EML6: variants seen among roughly 807,000 people sequenced by gnomAD.
EML6 encodes the protein EMAP like 6.
In EML6, 154 loss-of-function variants were observed where a neutral mutation model predicts 240.1. The observed-to-expected ratio is 0.64, with a 90% CI of 0.56 to 0.73. The LOEUF (loss-of-function observed/expected upper bound fraction) is 0.73, where lower values mean the gene tolerates loss of function less well. EML6 is among the 30% of genes least tolerant of loss of function. The pLI, the probability that EML6 is intolerant of heterozygous loss-of-function variation, is 0.00. For missense variants in EML6, 2,964 were observed against 2,474.6 expected, an observed-to-expected ratio of 1.20 and a Z score of -4.20; for synonymous variants, 1,148 against 899.0, an observed-to-expected ratio of 1.28 and a Z score of -4.95.
At chr2:54,944,810 A>G (rs1675597665) in intron 28 of EML6, among the ~76,000 whole-genome samples, 1 of 152,052 alleles carries the variant, frequency 6.6e-6, no homozygotes, top group Non-Finnish European at 1.5e-5. Context: ...TACACTCAAC[A>G]GAGTCCAGTT....
intron 36 of EML6, 68 bp from the exon 37 acceptor site, chr2:54,963,918 C>T (rs990826834): frequency 3.5e-6 from 5 of 1,435,048 alleles, no homozygotes; most frequent in African/African-American, 2.9e-5. Flanking sequence ...TGGCCTGGTG[C>T]AGAATGTCTC....
intron 17 of EML6, among the ~76,000 whole-genome samples, chr2:54,888,465 G>T (rs1010034199): frequency 1.3e-5 from 2 of 152,128 alleles, no homozygotes; most frequent in African/African-American, 4.8e-5. Flanking sequence ...GTATATTCAG[G>T]AGAGTTTCAC....
At chr2:54,879,762 A>C in intron 17 of EML6, 122 bp downstream of exon 17, 5 of 672,146 alleles carry the variant, frequency 7.4e-6, no homozygotes. Flanking sequence ...TAGAAGGCTT[A>C]GCACCTAAGT....
chr2:54,905,566 T>A (rs955112589), intron 24 of EML6, among the ~76,000 whole-genome samples: 9 of 152,220 alleles, frequency 5.9e-5, no homozygotes, highest in Non-Finnish European at 1.3e-4. Flanking sequence ...ACCATTTTAA[T>A]CATTTTTTAA....
At chr2:54,956,053 G>A (rs1270995677) in intron 32 of EML6, among the ~76,000 whole-genome samples, 1 of 151,936 alleles carries the variant, frequency 6.6e-6, no homozygotes, top group Non-Finnish European at 1.5e-5. Flanking sequence ...AAATAAAATA[G>A]ACCTAAAAAT....
rs181518773 is a variant in EML6, at chr2:54,794,179, C to T, written c.198-19053C>T. 6.2e-3 allele frequency among the ~76,000 whole-genome samples: 943 copies of T among 152,162 alleles called. 5 individuals are homozygous for T. The highest frequency in any genetic ancestry group is 0.014 in the Middle Eastern group (4 of 294). On this transcript the variant is annotated intron_variant, in intron 2 of 41. Coordinates refer to ENST00000356458, the MANE Select transcript of EML6 (RefSeq NM_001039753.4). ...GGCTAAGATAGATTAGGCAGCTGGC[C>T]CTGCTGCTTGGTCATGCAGCAGGGG...
intron 2 of EML6, among the ~76,000 whole-genome samples, chr2:54,743,128 G>A (rs1489506497): frequency 3.3e-5 from 5 of 152,150 alleles, no homozygotes; most frequent in African/African-American, 4.8e-5. Context: ...TCAGGGTCCC[G>A]GGTGGCTGGA....
At chr2:54,929,654 C>T (rs1674748333) in intron 28 of EML6, among the ~76,000 whole-genome samples, 1 of 151,914 alleles carries the variant, frequency 6.6e-6, no homozygotes, top group South Asian at 2.1e-4. Context: ...CCTATCACTT[C>T]TTACTATTAT....
intron 7 of EML6, among the ~76,000 whole-genome samples, chr2:54,831,524 A>G (rs986923029): frequency 1.3e-5 from 2 of 152,126 alleles, no homozygotes; most frequent in African/African-American, 2.4e-5. Context: ...TCCGTTATAC[A>G]TCAGTCTCAG....
chr2:54,803,191 C>T (rs1008383469), intron 2 of EML6, among the ~76,000 whole-genome samples: 1 of 152,136 alleles, frequency 6.6e-6, no homozygotes, highest in Non-Finnish European at 1.5e-5. Flanking sequence ...GCCAGAGCTC[C>T]GTGTGAGCTG....
chr2:54,941,670 T>TA, intron 28 of EML6, among the ~76,000 whole-genome samples: 1 of 152,372 alleles, frequency 6.6e-6, no homozygotes, highest in East Asian at 1.9e-4. Context: ...GGAGTGAGCT[T>TA]ACAGAGCCTG....
intron 18 of EML6, 108 bp from the exon 19 acceptor site, chr2:54,892,346 A>C: frequency 1.5e-6 from 1 of 677,874 alleles, no homozygotes; most frequent in Non-Finnish European, 2.6e-6. Flanking sequence ...ACATCTTTAC[A>C]TAAATACCTA....
intron 2 of EML6, among the ~76,000 whole-genome samples, chr2:54,749,419 G>A (rs1273786125): frequency 6.6e-6 from 1 of 151,990 alleles, no homozygotes; most frequent in African/African-American, 2.4e-5. Flanking sequence ...TTTAATTGCT[G>A]TCATAACATA....
chr2:54,789,543 A>AAAAAAG (rs1558549481), intron 2 of EML6, among the ~76,000 whole-genome samples: 305 of 145,668 alleles, frequency 2.1e-3, no homozygotes, highest in Middle Eastern at 3.5e-3. Context: ...AAAAAAAAAA[A>AAAAAAG]AAAAAGAAAA....
chr2:54,952,233 A>G (rs1219393081), intron 30 of EML6, among the ~76,000 whole-genome samples: 1 of 152,116 alleles, frequency 6.6e-6, no homozygotes, highest in Non-Finnish European at 1.5e-5. Context: ...GGACACTGAG[A>G]AGCACCAGTC....
intron 22 of EML6, among the ~76,000 whole-genome samples, chr2:54,901,143 A>T (rs897087829): frequency 6.6e-6 from 1 of 152,182 alleles, no homozygotes; most frequent in Non-Finnish European, 1.5e-5. Context: ...GAGTAAGGCT[A>T]TTATTATTGC....
At chr2:54,894,769 A>G in intron 19 of EML6, 146 bp from the exon 20 acceptor site, 1 of 592,396 alleles carries the variant, frequency 1.7e-6, no homozygotes, top group East Asian at 2.8e-5. Flanking sequence ...TTATTCGAAC[A>G]TTGTTATCAC....
intron 7 of EML6, among the ~76,000 whole-genome samples, chr2:54,836,781 G>C (rs1020513656): frequency 6.6e-5 from 10 of 152,166 alleles, no homozygotes; most frequent in Admixed American, 3.3e-4. Context: ...TTTTTAGCAA[G>C]GGGCCCCACA....
At position 54,853,739 on chromosome 2, in the gene EML6, A is replaced by G; in HGVS notation, c.1541A>G (p.Lys514Arg). The stretch of plus-strand genomic sequence containing the variant: ...CCTGAAGTGAGTGGAATTTGGCCCA[A>G]ATACACTGAGGTTACTGACATCAAC... ...KGPEVSGIWPKYTEVTDINSV... is the reference protein window; with the variant it reads ...KGPEVSGIWPRYTEVTDINSV... The change falls in exon 11 of 42, where the codon AAA (lysine) becomes AGA (arginine). Residue 514 changes from lysine (K) to arginine (R), a missense_variant. By Grantham distance (26) the Lys-to-Arg change is conservative (BLOSUM62 2). Transcript: ENST00000356458. 1 of 1,551,626 alleles carries G rather than the reference A, an allele frequency of 6.4e-7. No homozygotes were observed. The highest frequency in any genetic ancestry group is 1.7e-4 in the Middle Eastern group (1 of 5,992).
Sources: gnomAD v4.1 joint callset for allele counts (sites outside exome capture counted in the v4.1 genomes callset) on GRCh38, gnomAD v4.1.1 for gene constraint, MANE v1.5 for transcripts, NCBI Gene and HGNC (gene_info 2026-07-23, HGNC 2026-07-21) for gene names.